PDE4B: variants seen among roughly 807,000 people sequenced by gnomAD.
PDE4B encodes the protein phosphodiesterase 4B.
Under a neutral mutation model 82.2 loss-of-function variants are expected in PDE4B, and 20 were observed. The observed-to-expected ratio is 0.24, with a 90% confidence interval of 0.17 to 0.35. The LOEUF (loss-of-function observed/expected upper bound fraction) is 0.35. Among genes scored for constraint, PDE4B ranks in the 10% least tolerant of loss-of-function variants. The probability of loss-of-function intolerance (pLI) is 1.00; values close to 1 mark genes in which losing one functional copy is unlikely to be tolerated. For synonymous variants in PDE4B, 320 were observed against 318.9 expected (o/e 1.00, Z -0.04); for missense variants, 655 against 907.2 (o/e 0.72, Z 3.57).
chr1:66,015,196 A>G (rs1396996343), intron 3 of PDE4B, among the ~76,000 whole-genome samples: 1 of 152,254 alleles, frequency 6.6e-6, no homozygotes, highest in East Asian at 1.9e-4. Flanking sequence ...GTAAGAAAAC[A>G]AGTAAATAAT....
intron 3 of PDE4B, among the ~76,000 whole-genome samples, chr1:66,236,875 A>T (rs1169846702): frequency 6.6e-6 from 1 of 152,208 alleles, no homozygotes; most frequent in East Asian, 1.9e-4. Context: ...TCCACGATGT[A>T]CCATTTAATA....
chr1:66,010,200 G>A (rs1291231669), intron 3 of PDE4B, among the ~76,000 whole-genome samples: 3 of 151,962 alleles, frequency 2.0e-5, no homozygotes, highest in Admixed American at 1.3e-4. Flanking sequence ...TGTTGAATGG[G>A]AGAGGGAAAT....
At position 66,173,642 on chromosome 1, in the gene PDE4B, T is replaced by G. The variant is rs367663368; in HGVS notation, c.282-73818T>G. Among the ~76,000 whole-genome samples, 69 of 152,372 alleles carry G rather than the reference T, an allele frequency of 4.5e-4. No individual in the cohort carries two copies. In the East Asian group the frequency reaches 8.7e-3, roughly 19 times the overall value. ...TAAAATGTTTTCAAGATTCAACAGC[T>G]GAAGGCTTGGAAGCCTGCCTAGAGT... On this transcript the variant is annotated intron_variant, in intron 3 of 16. Transcript: ENST00000341517.
At chr1:65,893,956 G>A (rs1270791381) in intron 1 of PDE4B, among the ~76,000 whole-genome samples, 3 of 152,024 alleles carry the variant, frequency 2.0e-5, no homozygotes, top group African/African-American at 4.8e-5. Flanking sequence ...AGGACACAAA[G>A]GCATAAGAGT....
chr1:66,227,527 A>T (rs1264434299), intron 3 of PDE4B, among the ~76,000 whole-genome samples: 1 of 152,228 alleles, frequency 6.6e-6, no homozygotes, highest in Non-Finnish European at 1.5e-5. Context: ...TTATTTATTG[A>T]ACATCTACTC....
chr1:66,081,464 T>C (rs1656717678), intron 3 of PDE4B, among the ~76,000 whole-genome samples: 1 of 152,166 alleles, frequency 6.6e-6, no homozygotes, highest in South Asian at 2.1e-4. Context: ...TGAAAATAAG[T>C]CTCTTTGAAG....
intron 3 of PDE4B, among the ~76,000 whole-genome samples, chr1:66,237,067 A>G (rs577607996): frequency 3.9e-5 from 6 of 152,328 alleles, no homozygotes; most frequent in Admixed American, 2.0e-4. Context: ...AAAAATATAT[A>G]GCTTTTCTAT....
intron 1 of PDE4B, among the ~76,000 whole-genome samples, chr1:65,807,209 T>A (rs1645764133): frequency 6.6e-6 from 1 of 152,174 alleles, no homozygotes; most frequent in Non-Finnish European, 1.5e-5. Context: ...CAGAGAATCA[T>A]GTCTAGAAGC....
intron 3 of PDE4B, among the ~76,000 whole-genome samples, chr1:66,140,199 G>A (rs1646144540): frequency 6.6e-6 from 1 of 152,120 alleles, no homozygotes; most frequent in South Asian, 2.1e-4. Flanking sequence ...GGAAAGCAGG[G>A]TTTGTTAACA....
At chr1:65,907,891 C>T (rs1399952137) in intron 1 of PDE4B, among the ~76,000 whole-genome samples, 2 of 152,110 alleles carry the variant, frequency 1.3e-5, no homozygotes, top group South Asian at 2.1e-4. Context: ...AAACAGTGAA[C>T]TAAAAGCCAT....
At chr1:66,333,448 A>G (rs557827632) in intron 8 of PDE4B, among the ~76,000 whole-genome samples, 199 of 131,502 alleles carry the variant, frequency 1.5e-3, no homozygotes, top group African/African-American at 5.1e-3. Flanking sequence ...AAAGTTATAC[A>G]AAGTTATATA....
intron 7 of PDE4B, among the ~76,000 whole-genome samples, chr1:66,310,939 TAA>T (rs1658625394): frequency 1.3e-5 from 2 of 152,240 alleles, no homozygotes; most frequent in Non-Finnish European, 2.9e-5. Flanking sequence ...GAGTGCTCGA[TAA>T]ATGTATTAAT....
intron 3 of PDE4B, among the ~76,000 whole-genome samples, chr1:66,071,246 T>G (rs542429537): frequency 7.2e-5 from 11 of 152,192 alleles, no homozygotes; most frequent in African/African-American, 2.6e-4. Flanking sequence ...ACAATTTTAT[T>G]TTGGTTATTT....
chr1:65,805,957 G>T lies in PDE4B; in HGVS notation c.-71+12709G>T, dbSNP rs1254063071. ...CTGGGTGCAGGTCATTTCTAATTTT[G>T]GTGGGGGAGCTCAGTGGGTCTTTTC... On this transcript the variant is annotated intron_variant, in intron 1 of 16. Transcript: ENST00000341517. Among the ~76,000 whole-genome samples, 4 of 151,966 alleles carry T rather than the reference G, an allele frequency of 2.6e-5. 1 individual carries two copies. Among genetic ancestry groups the T allele is most frequent in the East Asian group, 3.9e-4 (2 of 5,194 alleles).
At chr1:66,329,132 T>C (rs1325820749) in intron 7 of PDE4B, among the ~76,000 whole-genome samples, 2 of 152,130 alleles carry the variant, frequency 1.3e-5, no homozygotes, top group Non-Finnish European at 2.9e-5. Context: ...CCCTTAGTCA[T>C]AAGAGGCAGG....
chr1:66,034,196 T>C (rs1653948274), intron 3 of PDE4B, among the ~76,000 whole-genome samples: 1 of 152,294 alleles, frequency 6.6e-6, no homozygotes, highest in Non-Finnish European at 1.5e-5. Flanking sequence ...TACCCTTAAT[T>C]CTTATCTGTA....
intron 7 of PDE4B, chr1:66,330,789 T>C: frequency 1.0e-6 from 1 of 985,366 alleles, no homozygotes; most frequent in Non-Finnish European, 1.2e-6. Context: ...AGTCAGAGAA[T>C]CTTCGTGTTG....
Position 66,022,768 on chromosome 1 carries a change from C to CT in PDE4B, c.281+103941dup, listed in dbSNP as rs534750300. Among the ~76,000 whole-genome samples, 524 of 151,950 alleles carry CT rather than the reference C, an allele frequency of 3.4e-3. 3 individuals are homozygous for CT. The highest frequency in any genetic ancestry group is 0.01 in the Middle Eastern group (3 of 294). Reference sequence around the variant, plus strand: ...ATCAGGGATATTGATCTAAAATTCTCTTTTTTTTGTTGTGTCTCTGCCAGG... The same window carrying CT: ...ATCAGGGATATTGATCTAAAATTCTCTTTTTTTTTGTTGTGTCTCTGCCAGG... On this transcript the variant is annotated intron_variant, in intron 3 of 16. Coordinates refer to ENST00000341517, the MANE Select transcript of PDE4B (RefSeq NM_002600.4).
At chr1:66,298,504 C>T (rs182563238) in intron 7 of PDE4B, among the ~76,000 whole-genome samples, 1 of 152,210 alleles carries the variant, frequency 6.6e-6, no homozygotes, top group Admixed American at 6.5e-5. Context: ...TTATTGCATT[C>T]GTTTTAAAGA....
Sources: gnomAD v4.1 joint callset for allele counts (sites outside exome capture counted in the v4.1 genomes callset) on GRCh38, gnomAD v4.1.1 for gene constraint, MANE v1.5 for transcripts, NCBI Gene and HGNC (gene_info 2026-07-23, HGNC 2026-07-21) for gene names.